Variants in ASCC3 observed in about 807,000 individuals in gnomAD.
The protein encoded by ASCC3 is ASC-1 complex subunit P200.
A neutral mutation model predicts 256.3 loss-of-function variants in ASCC3; 158 were observed. That is an observed-to-expected ratio of 0.62 (90% CI 0.54 to 0.70). ASCC3 has a LOEUF of 0.70. Ranked by LOEUF, ASCC3 falls within the 30% of genes least tolerant of loss-of-function variation. ASCC3 has a pLI of 0.00. For synonymous variants in ASCC3, 948 were observed against 883.4 expected, an observed-to-expected ratio of 1.07 and a Z score of -1.30; for missense variants, 2,259 against 2,626.0, an observed-to-expected ratio of 0.86 and a Z score of 3.05.
At chr6:100,601,755 A>T in intron 34 of ASCC3, 55 bp downstream of exon 34, 1 of 1,596,334 alleles carries the variant, frequency 6.3e-7, no homozygotes. Flanking sequence ...ATTACTTTCA[A>T]ATATGTCTTA....
At chr6:100,673,312 A>G (rs1286456116) in intron 14 of ASCC3, among the ~76,000 whole-genome samples, 1 of 152,172 alleles carries the variant, frequency 6.6e-6, no homozygotes, top group Non-Finnish European at 1.5e-5. Context: ...TTTAAATTTT[A>G]TCATTACAAA....
rs116050362 is a variant in ASCC3, at chr6:100,854,975, G to A, written c.242-6268C>T. 4.9e-3 allele frequency among the ~76,000 whole-genome samples: 750 copies of A among 151,980 alleles called. 9 individuals are homozygous for A. The highest frequency in any genetic ancestry group is 0.017 in the African/African-American group (720 of 41,414). Reference sequence around the variant, plus strand: ...TCAGATGCTTATTAATATTATACTCGTAATACTATTTAAAAGTATCACTTT... The same window carrying A: ...TCAGATGCTTATTAATATTATACTCATAATACTATTTAAAAGTATCACTTT... On this transcript the variant is annotated intron_variant, in intron 3 of 41. Transcript: ENST00000369162.
At chr6:100,823,002 C>T (rs1447317520) in intron 4 of ASCC3, among the ~76,000 whole-genome samples, 1 of 152,048 alleles carries the variant, frequency 6.6e-6, no homozygotes, top group African/African-American at 2.4e-5. Flanking sequence ...CATAGGATCA[C>T]CACACAAAAA....
intron 34 of ASCC3, among the ~76,000 whole-genome samples, chr6:100,601,140 A>C (rs1772586286): frequency 6.6e-6 from 1 of 152,016 alleles, no homozygotes; most frequent in Non-Finnish European, 1.5e-5. Context: ...TCCTGATTCA[A>C]GATTTGGATG....
chr6:100,676,744 GTGC>G (rs1777032839), intron 14 of ASCC3, among the ~76,000 whole-genome samples: 1 of 129,296 alleles, frequency 7.7e-6, no homozygotes, highest in African/African-American at 3.0e-5. Flanking sequence ...GTGCGCGCGC[GTGC>G]GCGCACACAC....
intron 13 of ASCC3, among the ~76,000 whole-genome samples, chr6:100,710,053 A>T (rs947490352): frequency 1.3e-5 from 2 of 152,172 alleles, no homozygotes; most frequent in Admixed American, 1.3e-4. Flanking sequence ...ATCTTAAAGA[A>T]GGATCATAGT....
rs544952836 is a variant in ASCC3, at chr6:100,556,599, T to C, written c.5551-16212A>G. Among the ~76,000 whole-genome samples the C allele has an allele frequency of 2.3e-4, 35 of 152,306 alleles. 1 individual carries two copies. Among genetic ancestry groups the C allele is most frequent in the Admixed American group, 7.2e-4 (11 of 15,292 alleles). On this transcript the variant is annotated intron_variant, in intron 36 of 41. Coordinates refer to ENST00000369162, the MANE Select transcript of ASCC3 (RefSeq NM_006828.4). ...AGGTGTAGGTAGAAAACTAAGACTG[T>C]GGAGGACCTTGACAGCCAGGCTAAC... is the stretch of plus-strand genomic sequence containing the variant.
chr6:100,827,452 G>C (rs1048157186), intron 4 of ASCC3, among the ~76,000 whole-genome samples: 1 of 152,052 alleles, frequency 6.6e-6, no homozygotes, highest in Non-Finnish European at 1.5e-5. Context: ...TTTTAGATTG[G>C]CTTCTTATAC....
chr6:100,753,105 A>C (rs1298763512), intron 10 of ASCC3, among the ~76,000 whole-genome samples: 1 of 152,104 alleles, frequency 6.6e-6, no homozygotes, highest in Non-Finnish European at 1.5e-5. Context: ...CTTACCAATC[A>C]AAAACTTTGA....
intron 33 of ASCC3, among the ~76,000 whole-genome samples, chr6:100,604,920 G>A (rs1456102020): frequency 6.6e-6 from 1 of 152,070 alleles, no homozygotes; most frequent in African/African-American, 2.4e-5. Flanking sequence ...GTATTTATAA[G>A]TGAAAAATAC....
At chr6:100,764,795 T>C (rs1001855368) in intron 10 of ASCC3, among the ~76,000 whole-genome samples, 2 of 152,134 alleles carry the variant, frequency 1.3e-5, no homozygotes, top group Non-Finnish European at 2.9e-5. Context: ...TACAATTACT[T>C]GTGGACTAGG....
intron 37 of ASCC3, among the ~76,000 whole-genome samples, chr6:100,532,527 C>T (rs115381181): frequency 0.011 from 1,693 of 150,798 alleles, 38 homozygotes; most frequent in African/African-American, 0.039. Flanking sequence ...TTAAACATTG[C>T]CGTAAGGCAG....
intron 8 of ASCC3, among the ~76,000 whole-genome samples, chr6:100,772,931 T>C (rs1262118925): frequency 1.3e-5 from 2 of 152,204 alleles, no homozygotes; most frequent in East Asian, 1.9e-4. Flanking sequence ...GTTATCTTTT[T>C]AACACAAGGA....
At chr6:100,843,107 G>A (rs1772223363) in intron 4 of ASCC3, among the ~76,000 whole-genome samples, 1 of 152,134 alleles carries the variant, frequency 6.6e-6, no homozygotes, top group Non-Finnish European at 1.5e-5. Context: ...GAAAAATTAT[G>A]AGGTTCTGAG....
rs371196664 is a variant in ASCC3, at chr6:100,530,677, T to A, written c.5775+9486A>T. ...ATGACAGAATTAGGATGTGACAGCA[T>A]AGAAAAACTAAAGGCCCAGATACCC... On this transcript the variant is annotated intron_variant, in intron 37 of 41. Coordinates refer to ENST00000369162, the MANE Select transcript of ASCC3 (RefSeq NM_006828.4). 1.3e-5 allele frequency: 12 copies of A among 897,852 alleles called. No homozygotes were observed. The Middle Eastern group carries it at 1.5e-3, about 112-fold the overall frequency. The allele number at this position is 897,852 out of a possible 1,614,324, so 55.6% of individuals were successfully genotyped here.
intron 36 of ASCC3, among the ~76,000 whole-genome samples, chr6:100,575,089 T>C (rs1174615934): frequency 6.6e-6 from 1 of 151,820 alleles, no homozygotes; most frequent in Non-Finnish European, 1.5e-5. Context: ...AGATAAAGAG[T>C]AGCAGATGGG....
At chr6:100,613,493 T>C (rs1410416643) in intron 30 of ASCC3, among the ~76,000 whole-genome samples, 1 of 152,092 alleles carries the variant, frequency 6.6e-6, no homozygotes, top group African/African-American at 2.4e-5. Context: ...TTCTTTTTTA[T>C]GGCTGAATAG....
At chr6:100,742,414 G>C (rs1430839563) in intron 10 of ASCC3, among the ~76,000 whole-genome samples, 1 of 152,146 alleles carries the variant, frequency 6.6e-6, no homozygotes, top group Admixed American at 6.5e-5. Flanking sequence ...GCTGCATTAG[G>C]GGGTACGCTT....
intron 30 of ASCC3, among the ~76,000 whole-genome samples, chr6:100,622,668 T>G (rs958298186): frequency 5.3e-5 from 8 of 151,808 alleles, no homozygotes; most frequent in Admixed American, 3.9e-4. Context: ...TAACAAATAT[T>G]TGTTAATAAA....
Sources: allele counts gnomAD v4.1 joint callset (sites outside exome capture counted in the v4.1 genomes callset), GRCh38; gene constraint gnomAD v4.1.1; transcripts MANE v1.5; gene names NCBI Gene and HGNC (gene_info 2026-07-23, HGNC 2026-07-21).